The following GDF6 variants were observed in gnomAD, a reference collection of about 807,000 sequenced individuals.
GDF6 encodes the protein growth/differentiation factor 6.
Under a neutral mutation model 32.4 loss-of-function variants are expected in GDF6, and 3 were observed. The observed-to-expected ratio is 0.09, with a 90% CI of 0.04 to 0.24. The LOEUF (loss-of-function observed/expected upper bound fraction) is 0.24, where lower values mean the gene tolerates loss of function less well. Among genes scored for constraint, GDF6 ranks in the 10% least tolerant of loss-of-function variants. GDF6 has a pLI of 1.00. For synonymous variants in GDF6, 296 were observed against 295.3 expected (o/e 1.00, Z -0.03); for missense variants, 589 against 637.9 (o/e 0.92, Z 0.83).
chr8:96,160,148 G>C (rs758405502), intron 1 of GDF6, 139 bp downstream of exon 1: 35 of 941,032 alleles, frequency 3.7e-5, no homozygotes, highest in Non-Finnish European at 6.1e-5. Flanking sequence ...ACTCGAGCTT[G>C]AGAAAAACAA....
At chr8:96,151,573 G>A (rs904086876) in intron 1 of GDF6, among the ~76,000 whole-genome samples, 1 of 152,102 alleles carries the variant, frequency 6.6e-6, no homozygotes, top group African/African-American at 2.4e-5. Context: ...TCAATCCCTG[G>A]CCGGCAAGAG....
chr8:96,160,168 A>T, intron 1 of GDF6, 119 bp downstream of exon 1: 1 of 1,050,212 alleles, frequency 9.5e-7, no homozygotes, highest in Non-Finnish European at 1.5e-6. Context: ...ATTTAAGAAA[A>T]GTAAAAAGGA....
chr8:96,144,421 G>A lies in GDF6; in HGVS notation c.*142C>T, dbSNP rs1367573938. Reference sequence around the variant, plus strand: ...AGGCTGCGCTCCCTTCTCTCCCACCGGCTCTCACATCCAGGCTGTTCCCTC... The same window carrying A: ...AGGCTGCGCTCCCTTCTCTCCCACCAGCTCTCACATCCAGGCTGTTCCCTC... On this transcript the variant is annotated 3_prime_UTR_variant, in exon 2 of 2. Coordinates refer to ENST00000287020, the MANE Select transcript of GDF6 (RefSeq NM_001001557.4). This position sits in a 1 kb window ranked among gnomAD's most constrained non-coding sequence, Gnocchi z 5.1. 1.7e-5 allele frequency: 16 copies of A among 945,804 alleles called. No individual in the cohort carries two copies. The highest frequency in any genetic ancestry group is 5.3e-5 in the East Asian group (2 of 37,974). The allele number at this position is 945,804 out of a possible 1,614,324, so 58.6% of individuals were successfully genotyped here. A position where few individuals can be genotyped will look rare whatever the true frequency, so the allele number is the denominator to read the frequency against.
chr8:96,152,494 G>T (rs1398920271), intron 1 of GDF6, among the ~76,000 whole-genome samples: 1 of 152,250 alleles, frequency 6.6e-6, no homozygotes, highest in African/African-American at 2.4e-5. Flanking sequence ...CACAGGGCCA[G>T]TCTGGGGTGG....
chr8:96,143,425 C>T lies in GDF6; in HGVS notation c.*1138G>A, dbSNP rs771172804. The T allele has an allele frequency of 4.6e-5, 7 of 152,676 alleles. No individual in the cohort carries two copies. The highest frequency in any genetic ancestry group is 7.3e-5 in the Non-Finnish European group (5 of 68,078). The allele number at this position is 152,676 out of a possible 1,614,324, so 9.5% of individuals were successfully genotyped here. The stretch of plus-strand genomic sequence containing the variant: ...GGCTCCTGGCCTGTCCCTTGATCCC[C>T]ATCCTCCCTGAGGCCCACCATCTTC... On this transcript the variant is annotated 3_prime_UTR_variant, in exon 2 of 2. Transcript: ENST00000287020.
Position 96,145,543 on chromosome 8 carries a change from T to C in GDF6, c.407-19A>G, listed in dbSNP as rs1445514042. On this transcript the variant is annotated intron_variant, in intron 1 of 1. Transcript: ENST00000287020. This position sits in a 1 kb window ranked among gnomAD's most constrained non-coding sequence, Gnocchi z 5.6. ...AGATCGTCTGCGAGATAAAAAATAA[T>C]TACAGTCAGTTTCACTTAAGGGGGA... 8 of 1,597,440 alleles carry C rather than the reference T, an allele frequency of 5.0e-6. No homozygotes were observed. The Admixed American group carries it at 1.2e-4, about 23-fold the overall frequency.
At position 96,144,292 on chromosome 8, in the gene GDF6, AAACAG is replaced by A; in HGVS notation, c.*266_*270del. 3.1e-6 allele frequency: 1 copy of A among 321,500 alleles called. No homozygotes were observed. Among genetic ancestry groups the A allele is most frequent in the Non-Finnish European group, 5.4e-6 (1 of 186,466 alleles). The allele number at this position is 321,500 out of a possible 1,614,324, so 19.9% of individuals were successfully genotyped here. A position where few individuals can be genotyped will look rare whatever the true frequency, so the allele number is the denominator to read the frequency against. ...AGAGAGAGAGAGAGAGAGAGAGAGA[AAACAG>A]AACAAAAGAAATCCTCCTTGGCTTG... On this transcript the variant is annotated 3_prime_UTR_variant, in exon 2 of 2. Coordinates refer to ENST00000287020, the MANE Select transcript of GDF6 (RefSeq NM_001001557.4). This position sits in a 1 kb window ranked among gnomAD's most constrained non-coding sequence, Gnocchi z 5.1.
rs71275339 is a variant in GDF6, at chr8:96,144,244, TAG to T, written c.*317_*318del. ...ATAAGGAAATCCAAAGCCACAGTAA[TAG>T]AGAGAGAGAGAGAGAGAGAGAGAGA... is the stretch of plus-strand genomic sequence containing the variant. On this transcript the variant is annotated 3_prime_UTR_variant, in exon 2 of 2. Transcript: ENST00000287020. This position sits in a 1 kb window ranked among gnomAD's most constrained non-coding sequence, Gnocchi z 5.1. The T allele has an allele frequency of 0.089, 20,705 of 233,486 alleles. 366 individuals carry two copies. Among genetic ancestry groups the T allele is most frequent in the Non-Finnish European group, 0.095 (12,328 of 129,468 alleles). 14.5% of individuals were successfully genotyped at this position (233,486 alleles called of 1,614,324 possible). A position where few individuals can be genotyped will look rare whatever the true frequency, so the allele number is the denominator to read the frequency against.
intron 1 of GDF6, among the ~76,000 whole-genome samples, chr8:96,150,497 C>T (rs1280585677): frequency 6.6e-6 from 1 of 152,246 alleles, no homozygotes. Context: ...GTGCTAGGCA[C>T]GTGCTCAGAG....
chr8:96,159,954 C>G (rs73698508), intron 1 of GDF6, among the ~76,000 whole-genome samples: 12,579 of 152,156 alleles, frequency 0.083, 1,591 homozygotes, highest in African/African-American at 0.27. Context: ...GACCCCTCTC[C>G]AGCCGGGTTC....
chr8:96,148,066 C>A (rs1473143597), intron 1 of GDF6, among the ~76,000 whole-genome samples: 1 of 152,236 alleles, frequency 6.6e-6, no homozygotes, highest in African/African-American at 2.4e-5. Flanking sequence ...AGGCAAGCAT[C>A]TGTAGAGAAA....
chr8:96,153,414 A>T (rs1187459716), intron 1 of GDF6, among the ~76,000 whole-genome samples: 1 of 152,142 alleles, frequency 6.6e-6, no homozygotes, highest in Non-Finnish European at 1.5e-5. Context: ...ACCCAAACCG[A>T]AGCTCTCGTA....
rs1563507939 is a variant in GDF6, at chr8:96,144,283, A to AGAGAGAGG, written c.*279_*280insCCTCTCTC. ...GAGAGAGAGAGAGAGAGAGAGAGAGAGAGAGAGAAAACAGAACAAAAGAAA... is the reference window on the plus strand; with the variant it reads ...GAGAGAGAGAGAGAGAGAGAGAGAGAGAGAGAGGGAGAGAGAAAACAGAACAAAAGAAA... On this transcript the variant is annotated 3_prime_UTR_variant, in exon 2 of 2. Coordinates refer to ENST00000287020, the MANE Select transcript of GDF6 (RefSeq NM_001001557.4). The surrounding 1 kb of genome is among the most constrained non-coding windows in gnomAD (Gnocchi z 5.1). 2 of 492,310 alleles carry AGAGAGAGG rather than the reference A, an allele frequency of 4.1e-6. No individual in the cohort carries two copies. The highest frequency in any genetic ancestry group is 7.3e-6 in the Non-Finnish European group (2 of 272,296). The allele number at this position is 492,310 out of a possible 1,614,324, so 30.5% of individuals were successfully genotyped here.
At chr8:96,156,360 T>C (rs914186540) in intron 1 of GDF6, among the ~76,000 whole-genome samples, 36 of 135,464 alleles carry the variant, frequency 2.7e-4, no homozygotes, top group African/African-American at 9.4e-4. Flanking sequence ...GTCAGTCTCT[T>C]TCTCTCTCTC....
Position 96,157,314 on chromosome 8 carries a change from T to A in GDF6, c.406+2973A>T, listed in dbSNP as rs1032402897. Among the ~76,000 whole-genome samples the A allele has an allele frequency of 2.6e-5, 4 of 152,106 alleles. No individual in the cohort carries two copies. The East Asian group carries it at 7.7e-4, about 29-fold the overall frequency. ...TTGCTTTCTTTATAAACCTAAAGCG[T>A]CCTTCATTCACTTTGGGCAGAGTTT... On this transcript the variant is annotated intron_variant, in intron 1 of 1. Transcript: ENST00000287020.
intron 1 of GDF6, among the ~76,000 whole-genome samples, chr8:96,150,197 G>A (rs6468492): frequency 6.6e-6 from 1 of 152,126 alleles, no homozygotes; most frequent in Admixed American, 6.5e-5. Context: ...CTGACTTTGG[G>A]CTCCACGAGA....
rs1003390626 is a variant in GDF6 at position 96,143,089 on chromosome 8, C to T, written c.*1474G>A. The T allele has an allele frequency of 6.6e-6, 1 of 152,186 alleles. No individual in the cohort carries two copies. Among genetic ancestry groups the T allele is most frequent in the African/African-American group, 2.4e-5 (1 of 41,428 alleles). The allele number at this position is 152,186 out of a possible 1,614,324, so 9.4% of individuals were successfully genotyped here. ...TATCTGGGAATGGGTATTTCAATTT[C>T]ACTGTGCTCTCTCCAGCTTCCTCCC... On this transcript the variant is annotated 3_prime_UTR_variant, in exon 2 of 2. Transcript: ENST00000287020.
chr8:96,157,080 G>A (rs1185457855), intron 1 of GDF6, among the ~76,000 whole-genome samples: 2 of 152,178 alleles, frequency 1.3e-5, no homozygotes, highest in South Asian at 2.1e-4. Context: ...TGATAACTAA[G>A]CGAGATAATT....
chr8:96,145,139 G>A lies in GDF6; in HGVS notation c.792C>T (p.Gly264=). The A allele has an allele frequency of 6.6e-7, 1 of 1,514,362 alleles. No homozygotes were observed. Among genetic ancestry groups the A allele is most frequent in the Non-Finnish European group, 8.8e-7 (1 of 1,139,652 alleles). 93.8% of individuals were successfully genotyped at this position (1,514,362 alleles called of 1,614,324 possible). ...GGGGAGGCCGCACCCTCCGGCCGAA[G>A]CCCAGACTCCGCAGGTCCGGGGGCG... ...QPPPPDLRSL[G]FGRRVRPPQE... The change falls in exon 2 of 2, where the codon GGC becomes GGT. Residue 264 remains glycine (G), a synonymous_variant. Transcript: ENST00000287020. The surrounding 1 kb of genome is among the most constrained non-coding windows in gnomAD (Gnocchi z 5.6).
Sources: allele counts gnomAD v4.1 joint callset (sites outside exome capture counted in the v4.1 genomes callset), GRCh38; gene constraint gnomAD v4.1.1; non-coding constraint Gnocchi (gnomAD v3.1); transcripts MANE v1.5; gene names NCBI Gene and HGNC (gene_info 2026-07-23, HGNC 2026-07-21).